The following CNGB3 variants were observed in gnomAD, a reference collection of about 807,000 sequenced individuals.
CNGB3 encodes cyclic nucleotide-gated channel beta-3.
Under a neutral mutation model 92.8 loss-of-function variants are expected in CNGB3, and 86 were observed. The observed-to-expected ratio is 0.93, with a 90% confidence interval of 0.78 to 1.11. The LOEUF (loss-of-function observed/expected upper bound fraction) is 1.11, where lower values mean the gene tolerates loss of function less well. Ranked by LOEUF, CNGB3 falls within the 50% of genes least tolerant of loss-of-function variation. The probability of loss-of-function intolerance (pLI) is 0.00; values close to 1 mark genes in which losing one functional copy is unlikely to be tolerated. For missense variants in CNGB3, 1,026 were observed against 956.8 expected (o/e 1.07, Z -0.95); for synonymous variants, 333 against 332.7 (o/e 1.00, Z -0.01).
intron 6 of CNGB3, chr8:86,657,593 TC>T: frequency 2.4e-6 from 1 of 416,902 alleles, no homozygotes; most frequent in Admixed American, 3.1e-5. Flanking sequence ...CTTGCAAAGA[TC>T]ACCCTGTTTG....
At chr8:86,706,376 CA>C (rs1824652522) in intron 3 of CNGB3, among the ~76,000 whole-genome samples, 1 of 152,158 alleles carries the variant, frequency 6.6e-6, no homozygotes, top group Admixed American at 6.5e-5. Context: ...TTAAGCAAAA[CA>C]TTCATTACTT....
chr8:86,607,098 G>C (rs903415751), intron 14 of CNGB3, among the ~76,000 whole-genome samples: 1 of 152,170 alleles, frequency 6.6e-6, no homozygotes, highest in Non-Finnish European at 1.5e-5. Context: ...ACTGACTGGA[G>C]GTAGAAGTAC....
chr8:86,695,332 G>A (rs939790938), intron 3 of CNGB3, among the ~76,000 whole-genome samples: 1 of 149,972 alleles, frequency 6.7e-6, no homozygotes, highest in East Asian at 2.0e-4. Context: ...GAGGGAGAGG[G>A]AGAGGGAGAG....
rs537918624 is a variant in CNGB3 at position 86,575,788 on chromosome 8, A to G, written c.*16T>C. On this transcript the variant is annotated 3_prime_UTR_variant, in exon 18 of 18. Transcript: ENST00000320005. The stretch of plus-strand genomic sequence containing the variant: ...TTTGGGAACTAGCTATATCACATCT[A>G]AAGATAATCAAACATTTATTGCTTA... 1 of 1,606,962 alleles carries G rather than the reference A, an allele frequency of 6.2e-7. No homozygotes were observed. The highest frequency in any genetic ancestry group is 1.7e-5 in the Admixed American group (1 of 59,952).
chr8:86,617,383 C>T (rs1822640830), intron 13 of CNGB3, among the ~76,000 whole-genome samples: 1 of 152,164 alleles, frequency 6.6e-6, no homozygotes, highest in Admixed American at 6.6e-5. Flanking sequence ...GTCTTCAGGG[C>T]TTTTTCCATC....
chr8:86,672,922 C>T (rs2131620602), intron 3 of CNGB3, among the ~76,000 whole-genome samples: 1 of 152,304 alleles, frequency 6.6e-6, no homozygotes, highest in Non-Finnish European at 1.5e-5. Flanking sequence ...GGGCAGTGAA[C>T]ATAGTTCAGA....
intron 13 of CNGB3, among the ~76,000 whole-genome samples, chr8:86,619,728 CTTT>C (rs71275868): frequency 1.8e-4 from 13 of 73,386 alleles, no homozygotes; most frequent in South Asian, 1.3e-3. Context: ...TGGTCTTGAC[CTTT>C]TTTTTTTTTT....
intron 10 of CNGB3, among the ~76,000 whole-genome samples, chr8:86,636,734 C>T (rs1364191589): frequency 6.6e-6 from 1 of 152,052 alleles, no homozygotes; most frequent in East Asian, 1.9e-4. Context: ...CCTTGACTTA[C>T]ACTTCCCCAT....
chr8:86,717,102 G>T (rs1444066147), intron 3 of CNGB3, among the ~76,000 whole-genome samples: 1 of 152,046 alleles, frequency 6.6e-6, no homozygotes, highest in Non-Finnish European at 1.5e-5. Context: ...TAAAGCAACA[G>T]CAGTTAAAAA....
chr8:86,684,268 G>A (rs1391123054), intron 3 of CNGB3, among the ~76,000 whole-genome samples: 1 of 152,048 alleles, frequency 6.6e-6, no homozygotes, highest in African/African-American at 2.4e-5. Flanking sequence ...TTAGCTATTG[G>A]GAAATGCAAA....
chr8:86,648,386 C>T (rs371048282), intron 7 of CNGB3, among the ~76,000 whole-genome samples: 1 of 151,116 alleles, frequency 6.6e-6, no homozygotes, highest in Admixed American at 6.6e-5. Flanking sequence ...TTGTCTACTT[C>T]GAACCATTTT....
At chr8:86,588,662 C>T (rs1334683523) in intron 15 of CNGB3, among the ~76,000 whole-genome samples, 9 of 148,632 alleles carry the variant, frequency 6.1e-5, no homozygotes, top group African/African-American at 2.3e-4. Flanking sequence ...ATATATTGAA[C>T]CAGCCTTGCA....
intron 6 of CNGB3, chr8:86,660,400 G>T (rs1484221098): frequency 8.8e-6 from 4 of 455,194 alleles, no homozygotes; most frequent in African/African-American, 4.0e-5. Context: ...CCAGAGGAGA[G>T]TTAACCAGGG....
intron 15 of CNGB3, among the ~76,000 whole-genome samples, chr8:86,585,502 G>A (rs1419042689): frequency 6.6e-6 from 1 of 151,978 alleles, no homozygotes; most frequent in Non-Finnish European, 1.5e-5. Context: ...TTTTAGTAGA[G>A]CTACTGTATC....
chr8:86,636,051 A>T (rs764681889), intron 10 of CNGB3, among the ~76,000 whole-genome samples: 4 of 151,364 alleles, frequency 2.6e-5, no homozygotes, highest in Admixed American at 6.6e-5. Context: ...TACAGTGAAC[A>T]CTCACATGCC....
chr8:86,743,422 C>T (rs978038194), intron 1 of CNGB3, 77 bp downstream of exon 1: 27 of 1,524,124 alleles, frequency 1.8e-5, no homozygotes, highest in East Asian at 4.5e-5. Context: ...AATCATATAT[C>T]GTAGCAGTGA....
Position 86,660,751 on chromosome 8 carries a change from TA to T in CNGB3, c.852+6173del, listed in dbSNP as rs1823624772. On this transcript the variant is annotated intron_variant, in intron 6 of 17. Transcript: ENST00000320005. ...ATACATATCCTCCTGAGAGAACAGG[TA>T]ACACCACTCAAACAAATGGAGGATA... 5.7e-6 allele frequency: 3 copies of T among 526,032 alleles called. No homozygotes were observed. In the Admixed American group the frequency reaches 5.9e-5, roughly 10 times the overall value. 32.6% of individuals were successfully genotyped at this position (526,032 alleles called of 1,614,324 possible).
intron 3 of CNGB3, among the ~76,000 whole-genome samples, chr8:86,715,244 A>G (rs1362754525): frequency 6.6e-6 from 1 of 152,022 alleles, no homozygotes; most frequent in East Asian, 1.9e-4. Flanking sequence ...CCAACACAAA[A>G]TTGGCACAAC....
chr8:86,660,111 T>C, intron 6 of CNGB3: 1 of 314,730 alleles, frequency 3.2e-6, no homozygotes, highest in East Asian at 7.8e-5. Flanking sequence ...GAAAGCATGG[T>C]CTTTGCACAT....
Sources: allele counts gnomAD v4.1 joint callset (sites outside exome capture counted in the v4.1 genomes callset), GRCh38; gene constraint gnomAD v4.1.1; transcripts MANE v1.5; gene names NCBI Gene and HGNC (gene_info 2026-07-23, HGNC 2026-07-21).